Variants in VWA5B1 observed in about 807,000 individuals in gnomAD.
The protein encoded by VWA5B1 is von Willebrand factor A domain-containing protein 5B1.
In VWA5B1, 115 loss-of-function variants were observed where a neutral mutation model predicts 118.2. The ratio of observed to expected loss-of-function variants is 0.97; its 90% CI spans 0.84 to 1.14. VWA5B1 has a LOEUF of 1.14. Among genes scored for constraint, VWA5B1 ranks in the 50% most tolerant of loss-of-function variants. The probability of loss-of-function intolerance (pLI) is 0.00; values close to 1 mark genes in which losing one functional copy is unlikely to be tolerated. For synonymous variants in VWA5B1, 682 were observed against 658.4 expected (o/e 1.04, Z -0.55); for missense variants, 1,596 against 1,603.8 (o/e 1.00, Z 0.08).
At position 20,330,284 on chromosome 1, in the gene VWA5B1, C is replaced by A; in HGVS notation, c.1359C>A (p.His453Gln). ...AGTGGGTCATCAGGCAGCCAGTGCA[C>A]CGAGGCCACCCGCGGCTCCTCTTCG... ...PLKWVIRQPV[H>Q]RGHPRLLFVI... The change falls in exon 10 of 22, where the codon CAC becomes CAA. Residue 453 changes from histidine to glutamine, a missense_variant. Transcript: ENST00000289815. 1 of 1,551,796 alleles carries A rather than the reference C, an allele frequency of 6.4e-7. No homozygotes were observed. The highest frequency in any genetic ancestry group is 1.2e-5 in the South Asian group (1 of 84,060).
chr1:20,305,708 A>G (rs1291203565), intron 1 of VWA5B1, among the ~76,000 whole-genome samples: 1 of 152,000 alleles, frequency 6.6e-6, no homozygotes, highest in East Asian at 1.9e-4. Flanking sequence ...GCACAGAATT[A>G]CAGAGCTTCC....
chr1:20,347,613 A>ATTTATAT (rs2090034519), intron 17 of VWA5B1, among the ~76,000 whole-genome samples: 1 of 151,622 alleles, frequency 6.6e-6, no homozygotes, highest in African/African-American at 2.4e-5. Flanking sequence ...CTAATTTTTT[A>ATTTATAT]TTTTTATTTT....
chr1:20,299,824 G>C (rs979584509), intron 1 of VWA5B1, among the ~76,000 whole-genome samples: 14 of 152,326 alleles, frequency 9.2e-5, no homozygotes, highest in African/African-American at 3.4e-4. Flanking sequence ...GGAAGATGCT[G>C]TCTCCTTTCC....
intron 1 of VWA5B1, among the ~76,000 whole-genome samples, chr1:20,301,759 C>G (rs1444910841): frequency 6.6e-6 from 1 of 152,222 alleles, no homozygotes; most frequent in Non-Finnish European, 1.5e-5. Context: ...ATGCTAGCAG[C>G]TCTGCTGGGT....
At position 20,332,858 on chromosome 1, in the gene VWA5B1, AC is replaced by A; in HGVS notation, c.1668del (p.Val557SerfsTer74). 6.4e-7 allele frequency: 1 copy of A among 1,551,810 alleles called. No homozygotes were observed. ...CTGAGACCACTGAGGTCCTGGTCTC[AC>A]CCGTCAGCGCCAGCTCCCTCTTCCC... Reference protein sequence around the residue: ...FPETTEVLVSPVSASSLFPGE... With the variant: ...FPETTEVLVSXVSASSLFPGE... On this transcript the variant is annotated frameshift_variant, in exon 12 of 22. Coordinates refer to ENST00000289815, the MANE Select transcript of VWA5B1 (RefSeq NM_001039500.3). LOFTEE classifies it high-confidence loss of function.
At position 20,342,518 on chromosome 1, in the gene VWA5B1, C is replaced by CT; in HGVS notation, c.2221dup (p.Cys741LeufsTer23). On this transcript the variant is annotated frameshift_variant, in exon 15 of 22. Transcript: ENST00000289815. LOFTEE classifies it high-confidence loss of function. ...GAAGGCCCTCTCTGCTGCCCCAAGG[C>CT]TGCCAGCCCTTCCTGCCCTGGGGCC... 6.5e-7 allele frequency: 1 copy of CT among 1,550,360 alleles called. No individual in the cohort carries two copies. Among genetic ancestry groups the CT allele is most frequent in the Non-Finnish European group, 8.7e-7 (1 of 1,146,528 alleles).
rs1289023159 is a variant in VWA5B1 at position 20,357,735 on chromosome 1, G to A, written c.*3472G>A. ...TCTCTAGGTGGGTTTGTCTTCACTG[G>A]CCCTAGAATGGTCCTGCCATCTGTG... On this transcript the variant is annotated 3_prime_UTR_variant, in exon 22 of 22. Coordinates refer to ENST00000289815, the MANE Select transcript of VWA5B1 (RefSeq NM_001039500.3). 6.6e-6 allele frequency among the ~76,000 whole-genome samples: 1 copy of A among 152,138 alleles called. No homozygotes were observed. Among genetic ancestry groups the A allele is most frequent in the East Asian group, 1.9e-4 (1 of 5,178 alleles).
intron 15 of VWA5B1, 80 bp downstream of exon 15, chr1:20,342,689 C>G: frequency 7.0e-7 from 1 of 1,422,954 alleles, no homozygotes; most frequent in Non-Finnish European, 9.3e-7. Context: ...ATGACAGGCC[C>G]AGAGGGCAGA....
At chr1:20,322,262 G>A (rs1045877194) in intron 7 of VWA5B1, among the ~76,000 whole-genome samples, 1 of 152,084 alleles carries the variant, frequency 6.6e-6, no homozygotes, top group African/African-American at 2.4e-5. Flanking sequence ...AGATGGGGAA[G>A]GAACCCAAAT....
At position 20,310,704 on chromosome 1, in the gene VWA5B1, C is replaced by T; in HGVS notation, c.103C>T (p.Leu35Phe). ...TTATGCCCTGGGCCTAACTGCCTCC[C>T]TCACCTATGGCAACCTGGAAGCCCA... ...SGYALGLTAS[L>F]TYGNLEAQPF... The change falls in exon 2 of 22, where the codon CTC becomes TTC. Residue 35 changes from leucine (L) to phenylalanine (F), a missense_variant. Physicochemically the swap from Leu to Phe is conservative, Grantham distance 22. Transcript: ENST00000289815. The T allele has an allele frequency of 1.3e-6, 2 of 1,550,734 alleles. No individual in the cohort carries two copies. The highest frequency in any genetic ancestry group is 1.4e-5 in the African/African-American group (1 of 73,132).
chr1:20,310,193 C>T (rs972043972), intron 1 of VWA5B1, among the ~76,000 whole-genome samples: 1 of 152,062 alleles, frequency 6.6e-6, no homozygotes, highest in African/African-American at 2.4e-5. Flanking sequence ...GATTACCGGA[C>T]ACATAGAGGA....
chr1:20,302,224 C>T (rs2088521621), intron 1 of VWA5B1, among the ~76,000 whole-genome samples: 1 of 152,050 alleles, frequency 6.6e-6, no homozygotes, highest in Admixed American at 6.5e-5. Context: ...GCATTCTGTG[C>T]CTTGACTACT....
At chr1:20,345,866 T>C (rs2089997110) in intron 17 of VWA5B1, among the ~76,000 whole-genome samples, 1 of 152,186 alleles carries the variant, frequency 6.6e-6, no homozygotes, top group Admixed American at 6.5e-5. Context: ...ACCGGGACAA[T>C]ATGTGCTCAT....
At chr1:20,315,780 G>A (rs899193811) in intron 4 of VWA5B1, among the ~76,000 whole-genome samples, 1 of 152,242 alleles carries the variant, frequency 6.6e-6, no homozygotes, top group African/African-American at 2.4e-5. Flanking sequence ...TGACAAGGGG[G>A]AACGTGCAGG....
At position 20,330,528 on chromosome 1, in the gene VWA5B1, T is replaced by A. The variant is rs532085063; in HGVS notation, c.1457+146T>A. ...GCTTTGCTTCCAAGATAGTGTGGGCTGATTTCAAAGTTCATCTTTTTCCCT... is the reference window on the plus strand; with the variant it reads ...GCTTTGCTTCCAAGATAGTGTGGGCAGATTTCAAAGTTCATCTTTTTCCCT... On this transcript the variant is annotated intron_variant, in intron 10 of 21. Transcript: ENST00000289815. The A allele has an allele frequency of 8.7e-4, 932 of 1,066,958 alleles. 19 individuals carry two copies. In the South Asian group the frequency reaches 0.014, roughly 16 times the overall value. 66.1% of individuals were successfully genotyped at this position (1,066,958 alleles called of 1,614,324 possible).
At chr1:20,334,309 C>T (rs1311531469) in intron 12 of VWA5B1, among the ~76,000 whole-genome samples, 1 of 152,138 alleles carries the variant, frequency 6.6e-6, no homozygotes, top group Admixed American at 6.5e-5. Flanking sequence ...TCCGGGCCTT[C>T]CTGGGAGGTC....
chr1:20,291,957 G>A (rs1028298), intron 1 of VWA5B1, among the ~76,000 whole-genome samples: 60,789 of 152,080 alleles, frequency 0.4, 13,488 homozygotes, highest in East Asian at 0.6. Context: ...AGCAGCAGAA[G>A]GAGGCCTGTG....
At chr1:20,317,746 G>C in intron 5 of VWA5B1, 71 bp downstream of exon 5, 2 of 1,436,434 alleles carry the variant, frequency 1.4e-6, no homozygotes, top group Non-Finnish European at 1.9e-6. Context: ...GGGATGGGAC[G>C]GGGGTGGGAA....
intron 1 of VWA5B1, among the ~76,000 whole-genome samples, chr1:20,307,451 C>A (rs2088692114): frequency 6.6e-6 from 1 of 152,256 alleles, no homozygotes; most frequent in African/African-American, 2.4e-5. Context: ...GCACCCCAAA[C>A]CCACATCCAA....
Sources: allele counts gnomAD v4.1 joint callset (sites outside exome capture counted in the v4.1 genomes callset), GRCh38; gene constraint gnomAD v4.1.1; transcripts MANE v1.5; gene names NCBI Gene and HGNC (gene_info 2026-07-23, HGNC 2026-07-21).